Variants in KCTD2 observed in about 807,000 individuals in gnomAD.
The protein encoded by KCTD2 is BTB/POZ domain-containing protein KCTD2.
In KCTD2, 18 loss-of-function variants were observed where a neutral mutation model predicts 27.9. The observed-to-expected ratio is 0.64, with a 90% confidence interval of 0.45 to 0.96. The LOEUF is 0.96. Among genes scored for constraint, KCTD2 ranks in the 40% least tolerant of loss-of-function variants. The probability of loss-of-function intolerance (pLI) is 0.00; values close to 1 mark genes in which losing one functional copy is unlikely to be tolerated. For missense variants in KCTD2, 280 were observed against 348.0 expected, an observed-to-expected ratio of 0.80 and a Z score of 1.56; for synonymous variants, 175 against 148.4, an observed-to-expected ratio of 1.18 and a Z score of -1.30.
At chr17:75,061,865 G>C (rs1027614913) in intron 4 of KCTD2, among the ~76,000 whole-genome samples, 2 of 151,786 alleles carry the variant, frequency 1.3e-5, no homozygotes, top group Admixed American at 6.6e-5. Context: ...GCCGCTGACG[G>C]GGGGGGACTT....
chr17:75,047,603 T>C lies in KCTD2; in HGVS notation c.339+14T>C. ...GACTCAGACAAGGTGTGCCCCGCCC[T>C]CGGGCGCGCCCCCGGGCCTTCGAAC... On this transcript the variant is annotated intron_variant, in intron 1 of 5. Transcript: ENST00000322444. 1 of 1,602,668 alleles carries C rather than the reference T, an allele frequency of 6.2e-7. No homozygotes were observed. Among genetic ancestry groups the C allele is most frequent in the Non-Finnish European group, 8.5e-7 (1 of 1,175,236 alleles).
Position 75,064,804 on chromosome 17 carries a change from A to G in KCTD2, c.*1757A>G, listed in dbSNP as rs1218515344. On this transcript the variant is annotated 3_prime_UTR_variant, in exon 6 of 6. Transcript: ENST00000322444. ...AGAAAAAAAAAGTTAGATGTAGCCA[A>G]GGAAAGTAGTGATCACGGGAAGGAC... 1 of 152,078 alleles carries G rather than the reference A, an allele frequency of 6.6e-6. No individual in the cohort carries two copies. The highest frequency in any genetic ancestry group is 1.5e-5 in the Non-Finnish European group (1 of 68,042). The allele number at this position is 152,078 out of a possible 1,614,324, so 9.4% of individuals were successfully genotyped here.
chr17:75,047,688 C>T (rs1243025393), intron 1 of KCTD2, 99 bp downstream of exon 1: 15 of 1,285,924 alleles, frequency 1.2e-5, no homozygotes, highest in Non-Finnish European at 2.1e-6. Context: ...ACAGGCAGCC[C>T]CCTCAGGCCG....
chr17:75,035,899 C>T, intron 3 of KCTD2: 1 of 315,836 alleles, frequency 3.2e-6, no homozygotes, highest in Non-Finnish European at 6.5e-6. Context: ...GGGGGTGCTG[C>T]CCAACTCTGT....
chr17:75,053,889 C>T, intron 3 of KCTD2, among the ~76,000 whole-genome samples: 1 of 69,782 alleles, frequency 1.4e-5, no homozygotes, highest in East Asian at 1.5e-3. Context: ...TTTTTTGAGA[C>T]AGAGTCTCAC....
intron 3 of KCTD2, among the ~76,000 whole-genome samples, chr17:75,055,606 G>A (rs998843359): frequency 1.5e-4 from 23 of 151,828 alleles, no homozygotes; most frequent in Non-Finnish European, 1.5e-5. Flanking sequence ...GGCCGAGGCA[G>A]GTGGATCACC....
intron 1 of KCTD2, 46 bp downstream of exon 1, chr17:75,047,635 G>T: frequency 6.4e-7 from 1 of 1,563,480 alleles, no homozygotes. Context: ...GAACCCCCTG[G>T]TTTCTCGTAG....
intron 3 of KCTD2, among the ~76,000 whole-genome samples, chr17:75,056,629 C>G (rs2073352501): frequency 6.6e-6 from 1 of 152,198 alleles, no homozygotes; most frequent in African/African-American, 2.4e-5. Context: ...ATCTTTCCAT[C>G]TGTCCTTTTT....
chr17:75,042,069 C>T, intron 3 of KCTD2: 1 of 952,202 alleles, frequency 1.1e-6, no homozygotes, highest in South Asian at 1.7e-5. Flanking sequence ...CGCATCCTTC[C>T]TAAGCTTCCT....
At chr17:75,033,421 TA>T (rs2040082234) in intron 1 of KCTD2, among the ~76,000 whole-genome samples, 1 of 152,174 alleles carries the variant, frequency 6.6e-6, no homozygotes. Flanking sequence ...TTTCTACTAT[TA>T]CAACTGGAAG....
upstream of KCTD2, chr17:75,042,454 T>C: frequency 1.9e-6 from 3 of 1,567,256 alleles, no homozygotes; most frequent in South Asian, 1.2e-5. Flanking sequence ...CAAGAATTCA[T>C]ATGTAATTCC....
chr17:75,053,723 G>A (rs1389603974), intron 3 of KCTD2, among the ~76,000 whole-genome samples: 2 of 152,040 alleles, frequency 1.3e-5, no homozygotes, highest in African/African-American at 4.8e-5. Flanking sequence ...GATTACAGGC[G>A]TGAGGCACTG....
At chr17:75,045,618 A>G, upstream of KCTD2, among the ~76,000 whole-genome samples, 1 of 152,224 alleles carries the variant, frequency 6.6e-6, no homozygotes, top group East Asian at 1.9e-4. Context: ...AGGAAGAGAA[A>G]TATGGCTCTG....
chr17:75,062,098 C>A, intron 4 of KCTD2, 22 bp from the exon 5 acceptor site: 2 of 1,613,244 alleles, frequency 1.2e-6, no homozygotes, highest in South Asian at 1.1e-5. Context: ...CATGAATGTT[C>A]ACTGTATTCT....
chr17:75,062,897 C>G (rs1329517800), intron 5 of KCTD2, 121 bp from the exon 6 acceptor site: 2 of 1,051,276 alleles, frequency 1.9e-6, no homozygotes, highest in African/African-American at 3.2e-5. Flanking sequence ...GGCTGCACCC[C>G]TGCTTGCTTC....
chr17:75,050,944 C>G (rs996030813), intron 2 of KCTD2, among the ~76,000 whole-genome samples: 1 of 150,192 alleles, frequency 6.7e-6, no homozygotes, highest in Non-Finnish European at 1.5e-5. Context: ...TCCTGAGTAG[C>G]TGCGATTATA....
At chr17:75,053,229 C>A (rs2073309838) in intron 3 of KCTD2, 124 bp downstream of exon 3, 2 of 740,848 alleles carry the variant, frequency 2.7e-6, no homozygotes, top group South Asian at 1.6e-5. Flanking sequence ...GTTTGCAGTG[C>A]AGGGAATGCA....
intron 5 of KCTD2, 107 bp downstream of exon 5, chr17:75,062,352 G>C: frequency 9.1e-7 from 1 of 1,093,262 alleles, no homozygotes. Flanking sequence ...GCCTTCTAGA[G>C]CCAGCGTTGC....
At chr17:75,038,325 T>C (rs1193503514) in intron 3 of KCTD2, among the ~76,000 whole-genome samples, 1 of 152,058 alleles carries the variant, frequency 6.6e-6, no homozygotes, top group Non-Finnish European at 1.5e-5. Context: ...GCATTTTTAG[T>C]AGAGATGGGG....
Sources: allele counts gnomAD v4.1 joint callset (sites outside exome capture counted in the v4.1 genomes callset), GRCh38; gene constraint gnomAD v4.1.1; transcripts MANE v1.5; gene names NCBI Gene and HGNC (gene_info 2026-07-23, HGNC 2026-07-21).